PKP4: variants seen among roughly 807,000 people sequenced by gnomAD.
PKP4 encodes plakophilin-4.
In PKP4, 90 loss-of-function variants were observed where a neutral mutation model predicts 145.1. The observed-to-expected ratio is 0.62, with a 90% CI of 0.52 to 0.74. PKP4 has a LOEUF of 0.74. PKP4 is among the 30% of genes least tolerant of loss of function. The pLI, the probability that PKP4 is intolerant of heterozygous loss-of-function variation, is 0.00. For missense variants in PKP4, 1,340 were observed against 1,482.7 expected (o/e 0.90, Z 1.58); for synonymous variants, 563 against 577.2 (o/e 0.98, Z 0.35).
intron 1 of PKP4, among the ~76,000 whole-genome samples, chr2:158,479,688 C>G (rs750778332): frequency 6.6e-6 from 1 of 151,968 alleles, no homozygotes; most frequent in African/African-American, 2.4e-5. Flanking sequence ...CTAATAGCAA[C>G]TGTATTAAGG....
chr2:158,566,095 T>C (rs371262374), intron 2 of PKP4, among the ~76,000 whole-genome samples: 1 of 152,286 alleles, frequency 6.6e-6, no homozygotes, highest in East Asian at 1.9e-4. Flanking sequence ...AAACCTAGTA[T>C]AGTCTTAAGA....
intron 6 of PKP4, among the ~76,000 whole-genome samples, chr2:158,624,319 A>G (rs1484498103): frequency 6.6e-6 from 1 of 152,256 alleles, no homozygotes; most frequent in Non-Finnish European, 1.5e-5. Flanking sequence ...CCAAATGTTC[A>G]TTTATTCCAC....
At chr2:158,642,382 T>C (rs2054372691) in intron 10 of PKP4, 104 bp from the exon 11 acceptor site, 1 of 864,848 alleles carries the variant, frequency 1.2e-6, no homozygotes, top group Non-Finnish European at 1.8e-6. Context: ...TTTGAAATGG[T>C]CTAGAGATAT....
At chr2:158,509,961 A>AAG (rs2041352634) in intron 1 of PKP4, among the ~76,000 whole-genome samples, 1 of 151,662 alleles carries the variant, frequency 6.6e-6, no homozygotes, top group East Asian at 1.9e-4. Context: ...AAAAAAAAAA[A>AAG]AGAAATACCA....
rs531791030 is a variant in PKP4, at chr2:158,522,720, C to T, written c.-5-10460C>T. On this transcript the variant is annotated intron_variant, in intron 1 of 21. Coordinates refer to ENST00000389759, the MANE Select transcript of PKP4 (RefSeq NM_003628.6). ...ATTTCTGCATTTCCATCTGAGGTAC[C>T]GGGTTCATCTCACTAGGGAGTGCCA... Among the ~76,000 whole-genome samples, 7 of 152,092 alleles carry T rather than the reference C, an allele frequency of 4.6e-5. No homozygotes were observed. The East Asian group carries it at 9.7e-4, about 21-fold the overall frequency.
chr2:158,625,350 A>G lies in PKP4; in HGVS notation c.1076A>G (p.His359Arg), dbSNP rs1251389737. The change falls in exon 7 of 22, where the codon CAT becomes CGT. Residue 359 changes from histidine (H) to arginine (R), a missense_variant. Coordinates refer to ENST00000389759, the MANE Select transcript of PKP4 (RefSeq NM_003628.6). ...HLGPSLQRTV[H>R]DMEQFGQQQY... The stretch of plus-strand genomic sequence containing the variant: ...GGACCTTCACTGCAAAGGACTGTTC[A>G]TGACATGGAGCAATTCGGACAGCAG... The G allele has an allele frequency of 3.1e-6, 5 of 1,614,082 alleles. No homozygotes were observed. Among genetic ancestry groups the G allele is most frequent in the African/African-American group, 2.7e-5 (2 of 74,936 alleles).
intron 2 of PKP4, among the ~76,000 whole-genome samples, chr2:158,557,243 C>T (rs1017662448): frequency 5.3e-5 from 8 of 152,052 alleles, no homozygotes; most frequent in African/African-American, 1.9e-4. Flanking sequence ...ATTGTATGCA[C>T]TTAATGAATA....
chr2:158,484,906 A>G (rs1008956621), intron 1 of PKP4, among the ~76,000 whole-genome samples: 2 of 152,238 alleles, frequency 1.3e-5, no homozygotes, highest in Non-Finnish European at 2.9e-5. Flanking sequence ...GCAGGTGACA[A>G]TCAGAATAAA....
chr2:158,677,639 G>A (rs1258034498), intron 20 of PKP4, among the ~76,000 whole-genome samples: 1 of 152,182 alleles, frequency 6.6e-6, no homozygotes, highest in African/African-American at 2.4e-5. Context: ...ACTCCTGCTG[G>A]GGGGGCAGTC....
intron 3 of PKP4, among the ~76,000 whole-genome samples, chr2:158,600,370 A>G (rs2050130365): frequency 6.6e-6 from 1 of 152,190 alleles, no homozygotes; most frequent in Admixed American, 6.5e-5. Flanking sequence ...TCAGAAGAGA[A>G]GTGAAAGGGA....
intron 2 of PKP4, among the ~76,000 whole-genome samples, chr2:158,533,804 T>C (rs17421406): frequency 0.084 from 12,745 of 152,294 alleles, 720 homozygotes; most frequent in Middle Eastern, 0.2. Context: ...GTTCTAAAAC[T>C]TGTCGAACTG....
In PKP4 at chr2:158,640,641, G is replaced by A. The variant is rs144253065; in HGVS notation, c.1577G>A (p.Arg526His). 83 of 1,613,166 alleles carry A rather than the reference G, an allele frequency of 5.1e-5. No individual in the cohort carries two copies. Among genetic ancestry groups the A allele is most frequent in the Admixed American group, 1.7e-4 (10 of 59,970 alleles). ...IQKDPREFAW[R>H]DPELPEVIHM... ...TTCTCATGTAGGGAGTTTGCCTGGC[G>A]TGATCCTGAGTTGCCTGAGGTCATT... The change falls in exon 10 of 22, where the codon CGT becomes CAT. Residue 526 changes from arginine to histidine, a missense_variant. Transcript: ENST00000389759.
At chr2:158,610,475 C>T (rs943857802) in intron 4 of PKP4, among the ~76,000 whole-genome samples, 3 of 152,090 alleles carry the variant, frequency 2.0e-5, no homozygotes, top group African/African-American at 4.8e-5. Context: ...TCTTCATGAG[C>T]GAAAATGCTA....
At chr2:158,635,259 T>C (rs2053709891) in intron 9 of PKP4, among the ~76,000 whole-genome samples, 1 of 152,202 alleles carries the variant, frequency 6.6e-6, no homozygotes, top group South Asian at 2.1e-4. Context: ...GGAAATCCAC[T>C]GCTTCACTAA....
At chr2:158,525,671 T>G (rs1305017886) in intron 1 of PKP4, among the ~76,000 whole-genome samples, 35 of 129,552 alleles carry the variant, frequency 2.7e-4, no homozygotes, top group African/African-American at 9.5e-4. Context: ...CAGAAAACCC[T>G]TCAAAAAATC....
chr2:158,631,254 T>A (rs2053328238), intron 7 of PKP4, among the ~76,000 whole-genome samples: 1 of 152,100 alleles, frequency 6.6e-6, no homozygotes, highest in Non-Finnish European at 1.5e-5. Context: ...AAGTTGTATT[T>A]AAAATATATA....
Position 158,568,919 on chromosome 2 carries a change from G to A in PKP4, c.133-8352G>A, listed in dbSNP as rs186183958. Reference sequence around the variant, plus strand: ...ACCCCGGAGGCAGAGGTTGCAGTGAGCCAAGATCATGCCACTACACTCCAG... The same window carrying A: ...ACCCCGGAGGCAGAGGTTGCAGTGAACCAAGATCATGCCACTACACTCCAG... On this transcript the variant is annotated intron_variant, in intron 2 of 21. Transcript: ENST00000389759. 1.7e-3 allele frequency among the ~76,000 whole-genome samples: 252 copies of A among 152,228 alleles called. 1 individual carries two copies. Among genetic ancestry groups the A allele is most frequent in the African/African-American group, 5.7e-3 (237 of 41,538 alleles).
intron 17 of PKP4, among the ~76,000 whole-genome samples, chr2:158,670,808 C>T (rs2057488945): frequency 6.6e-6 from 1 of 152,216 alleles, no homozygotes; most frequent in South Asian, 2.1e-4. Context: ...CATGACACCT[C>T]ACTGATTAAG....
At chr2:158,609,470 C>G (rs1250340025) in intron 4 of PKP4, among the ~76,000 whole-genome samples, 1 of 152,094 alleles carries the variant, frequency 6.6e-6, no homozygotes, top group Admixed American at 6.6e-5. Flanking sequence ...CTCATTTATC[C>G]TCATTTATTT....
Sources: gnomAD v4.1 joint callset for allele counts (sites outside exome capture counted in the v4.1 genomes callset) on GRCh38, gnomAD v4.1.1 for gene constraint, MANE v1.5 for transcripts, NCBI Gene and HGNC (gene_info 2026-07-23, HGNC 2026-07-21) for gene names.